CSMD2: variants seen among roughly 807,000 people sequenced by gnomAD.
CSMD2 encodes CUB and Sushi multiple domains 2, also known as CUB and sushi domain-containing protein 2.
In CSMD2, 130 loss-of-function variants were observed where a neutral mutation model predicts 398.5. The ratio of observed to expected loss-of-function variants is 0.33; its 90% CI spans 0.28 to 0.38. CSMD2 has a LOEUF of 0.38. Among genes scored for constraint, CSMD2 ranks in the 10% least tolerant of loss-of-function variants. The probability of loss-of-function intolerance (pLI) is 1.00; values close to 1 mark genes in which losing one functional copy is unlikely to be tolerated. For missense variants in CSMD2, 3,829 were observed against 4,764.9 expected (o/e 0.80, Z 5.78); for synonymous variants, 1,828 against 1,908.5 (o/e 0.96, Z 1.10).
intron 14 of CSMD2, among the ~76,000 whole-genome samples, chr1:33,741,313 G>T (rs997023133): frequency 3.9e-5 from 6 of 152,070 alleles, no homozygotes; most frequent in Non-Finnish European, 7.4e-5. Context: ...CATCAGTTGG[G>T]ATGTAGGAGG....
chr1:33,536,935 C>T, intron 62 of CSMD2, 87 bp downstream of exon 62: 1 of 1,320,134 alleles, frequency 7.6e-7, no homozygotes, highest in Non-Finnish European at 1.1e-6. Flanking sequence ...GAGTGCTGTC[C>T]TGAGGAAGGT....
intron 5 of CSMD2, among the ~76,000 whole-genome samples, chr1:33,897,158 A>G (rs1171418760): frequency 6.6e-6 from 1 of 152,182 alleles, no homozygotes; most frequent in Non-Finnish European, 1.5e-5. Flanking sequence ...AGGAGCCAGG[A>G]CAGGCAGACA....
intron 12 of CSMD2, among the ~76,000 whole-genome samples, chr1:33,779,173 C>T (rs1652378090): frequency 6.6e-6 from 1 of 152,164 alleles, no homozygotes; most frequent in Non-Finnish European, 1.5e-5. Flanking sequence ...AACTCCTCAG[C>T]ATGGCAGGAC....
chr1:34,136,739 C>T (rs1044911300), intron 1 of CSMD2, among the ~76,000 whole-genome samples: 2 of 152,116 alleles, frequency 1.3e-5, no homozygotes, highest in African/African-American at 2.4e-5. Flanking sequence ...ATGAAAACTC[C>T]GATCCATCTA....
In CSMD2 at chr1:33,694,956, G is replaced by GAAGACAGC. The variant is rs372543424; in HGVS notation, c.3926-1908_3926-1901dup. Among the ~76,000 whole-genome samples, 81 of 152,298 alleles carry GAAGACAGC rather than the reference G, an allele frequency of 5.3e-4. 1 individual carries two copies. The highest frequency in any genetic ancestry group is 1.9e-3 in the African/African-American group (79 of 41,578). On this transcript the variant is annotated intron_variant, in intron 24 of 70. Coordinates refer to ENST00000373381, the MANE Select transcript of CSMD2 (RefSeq NM_001281956.2). ...CTGGAAGAGTTTACTGTCTAGTAGA[G>GAAGACAGC]AAGACAGCCACACTGTGTGCTAGGT...
chr1:33,999,379 T>A lies in CSMD2; in HGVS notation c.517+33215A>T, dbSNP rs113539186. 5.8e-3 allele frequency among the ~76,000 whole-genome samples: 883 copies of A among 152,234 alleles called. 9 individuals are homozygous for A. The highest frequency in any genetic ancestry group is 6.5e-3 in the Admixed American group (99 of 15,290). On this transcript the variant is annotated intron_variant, in intron 3 of 70. Coordinates refer to ENST00000373381, the MANE Select transcript of CSMD2 (RefSeq NM_001281956.2). ...AGGTGTATGGTAACTAGATACTTTT[T>A]AAAAATTTTTTTTTATTTTGCTATT...
chr1:33,526,889 T>A (rs1405831502), intron 65 of CSMD2, among the ~76,000 whole-genome samples: 1 of 152,166 alleles, frequency 6.6e-6, no homozygotes, highest in Non-Finnish European at 1.5e-5. Context: ...TGGGTCAATG[T>A]GTTTGTATGA....
intron 49 of CSMD2, among the ~76,000 whole-genome samples, chr1:33,573,785 C>A (rs925212947): frequency 6.6e-6 from 1 of 152,044 alleles, no homozygotes; most frequent in African/African-American, 2.4e-5. Context: ...TGAAGAGAGA[C>A]ACAAGTCTTC....
At chr1:34,119,766 T>C (rs2148465946) in intron 1 of CSMD2, among the ~76,000 whole-genome samples, 1 of 152,194 alleles carries the variant, frequency 6.6e-6, no homozygotes, top group South Asian at 2.1e-4. Context: ...AAACAGAAAA[T>C]GGCAAGTGTT....
chr1:34,152,438 G>A (rs705209), intron 1 of CSMD2, among the ~76,000 whole-genome samples: 66,746 of 151,914 alleles, frequency 0.44, 15,333 homozygotes, highest in Non-Finnish European at 0.51. Flanking sequence ...TGTGGCTGCC[G>A]GCCAAGCCAG....
At chr1:33,885,981 G>C (rs1196749549) in intron 5 of CSMD2, among the ~76,000 whole-genome samples, 1 of 152,058 alleles carries the variant, frequency 6.6e-6, no homozygotes, top group Non-Finnish European at 1.5e-5. Flanking sequence ...TTATTAAAAG[G>C]GTTAAGACAG....
At chr1:33,815,829 G>A (rs575474716) in intron 9 of CSMD2, among the ~76,000 whole-genome samples, 1 of 152,204 alleles carries the variant, frequency 6.6e-6, no homozygotes, top group African/African-American at 2.4e-5. Context: ...CTCAGGGCTG[G>A]AGCAATGGGG....
Position 33,523,407 on chromosome 1 carries a change from T to C in CSMD2, c.10409A>G (p.Lys3470Arg). Residue 3470 changes from lysine to arginine, a missense_variant, in exon 67 of 71, where the codon AAA becomes AGA. Lys to Arg is a conservative substitution (Grantham distance 26). This residue lies in a region of CSMD2 where 917 missense variants were observed against 1,199.5 expected (regional missense o/e 0.76). Coordinates refer to ENST00000373381, the MANE Select transcript of CSMD2 (RefSeq NM_001281956.2). ...VELHLAGTYKKEDFHLLLQVY... is the reference protein window; with the variant it reads ...VELHLAGTYKREDFHLLLQVY... ...CTGGAGTAGGAGATGAAAATCTTCT[T>C]TCTTGTAAGTTCCTGGGAAATAAAG... 1 of 1,464,112 alleles carries C rather than the reference T, an allele frequency of 6.8e-7. No homozygotes were observed. Among genetic ancestry groups the C allele is most frequent in the Non-Finnish European group, 9.5e-7 (1 of 1,054,548 alleles). 90.7% of individuals were successfully genotyped at this position (1,464,112 alleles called of 1,614,324 possible). A position where few individuals can be genotyped will look rare whatever the true frequency, so the allele number is the denominator to read the frequency against.
rs146643434 is a variant in CSMD2 at position 33,761,374 on chromosome 1, A to T, written c.1846+11195T>A. On this transcript the variant is annotated intron_variant, in intron 13 of 70. Coordinates refer to ENST00000373381, the MANE Select transcript of CSMD2 (RefSeq NM_001281956.2). ...ACTCGTAGCGTCCTATTCTTCCTACATGGGCAGATCCCAGATGGTCTCTAT... is the reference window on the plus strand; with the variant it reads ...ACTCGTAGCGTCCTATTCTTCCTACTTGGGCAGATCCCAGATGGTCTCTAT... Among the ~76,000 whole-genome samples, 1,256 of 152,296 alleles carry T rather than the reference A, an allele frequency of 8.2e-3. 65 individuals carry two copies. The highest frequency in any genetic ancestry group is 0.073 in the Admixed American group (1,111 of 15,300).
intron 3 of CSMD2, among the ~76,000 whole-genome samples, chr1:33,956,571 T>C (rs1459705414): frequency 1.3e-5 from 2 of 152,184 alleles, no homozygotes; most frequent in Admixed American, 1.3e-4. Flanking sequence ...ATGGAATCTC[T>C]ATCTACCCTC....
chr1:33,613,695 A>G (rs1271315980), intron 40 of CSMD2, among the ~76,000 whole-genome samples: 1 of 152,206 alleles, frequency 6.6e-6, no homozygotes, highest in Non-Finnish European at 1.5e-5. Flanking sequence ...AGGGCTATGC[A>G]GGCATAATCC....
chr1:33,732,823 T>C (rs921191149), intron 15 of CSMD2, among the ~76,000 whole-genome samples: 6 of 152,180 alleles, frequency 3.9e-5, no homozygotes, highest in East Asian at 1.9e-4. Flanking sequence ...CAAATACTCA[T>C]TGAGCACTGA....
At chr1:33,719,417 C>T (rs1646281537) in intron 19 of CSMD2, among the ~76,000 whole-genome samples, 1 of 152,212 alleles carries the variant, frequency 6.6e-6, no homozygotes. Context: ...GATGAGCAAA[C>T]ATCTGAGCTG....
intron 3 of CSMD2, among the ~76,000 whole-genome samples, chr1:34,028,818 G>A (rs976654930): frequency 2.6e-5 from 4 of 152,276 alleles, no homozygotes; most frequent in South Asian, 2.1e-4. Flanking sequence ...TGCGGCCCAC[G>A]CTCTTGCCCC....
Sources: allele counts gnomAD v4.1 joint callset (sites outside exome capture counted in the v4.1 genomes callset), GRCh38; gene constraint gnomAD v4.1.1; regional missense constraint gnomAD v4.1.1; transcripts MANE v1.5; gene names NCBI Gene and HGNC (gene_info 2026-07-23, HGNC 2026-07-21).